Variants in AGTR1 observed in about 807,000 individuals in gnomAD.
AGTR1 encodes angiotensin II receptor type 1, also known as type-1 angiotensin II receptor.
In AGTR1, 16 loss-of-function variants were observed where a neutral mutation model predicts 19.4. The ratio of observed to expected loss-of-function variants is 0.82; its 90% CI spans 0.56 to 1.25. The LOEUF (loss-of-function observed/expected upper bound fraction) is 1.25, where lower values mean the gene tolerates loss of function less well. AGTR1 is among the 50% of genes most tolerant of loss of function. AGTR1 has a pLI of 0.00. For missense variants in AGTR1, 373 were observed against 431.9 expected (o/e 0.86, Z 1.21); for synonymous variants, 153 against 154.9 (o/e 0.99, Z 0.09).
intron 2 of AGTR1, among the ~76,000 whole-genome samples, chr3:148,739,488 G>C (rs1205117680): frequency 6.6e-6 from 1 of 152,158 alleles, no homozygotes; most frequent in Non-Finnish European, 1.5e-5. Context: ...ATGTCCTGGT[G>C]AGTCAAAGAA....
rs748117430 is a variant in AGTR1 at position 148,741,256 on chromosome 3, A to C, written c.221A>C (p.Asp74Ala). Residue 74 changes from aspartate to alanine, a missense_variant, in exon 3 of 3, where the codon GAC (aspartate) becomes GCC (alanine). Physicochemically the swap from Asp to Ala is moderately radical, Grantham distance 126. Coordinates refer to ENST00000349243, the MANE Select transcript of AGTR1 (RefSeq NM_000685.5). ...SVFLLNLALA[D>A]LCFLLTLPLW... ...TTTCTTTTGAATTTAGCACTGGCTG[A>C]CTTATGCTTTTTACTGACTTTGCCA... 18 of 1,613,890 alleles carry C rather than the reference A, an allele frequency of 1.1e-5. No homozygotes were observed. Among genetic ancestry groups the C allele is most frequent in the Non-Finnish European group, 1.4e-5 (17 of 1,180,004 alleles).
Position 148,711,104 on chromosome 3 carries a change from T to C in AGTR1, c.-48+3077T>C, listed in dbSNP as rs527789790. Among the ~76,000 whole-genome samples, 3 of 152,304 alleles carry C rather than the reference T, an allele frequency of 2.0e-5. No individual in the cohort carries two copies. In the East Asian group the frequency reaches 5.8e-4, roughly 29 times the overall value. ...GTATTCCTTTATAGCAACACAAGAATAGACCAACACAGTCACGGATAACAG... is the reference window on the plus strand; with the variant it reads ...GTATTCCTTTATAGCAACACAAGAACAGACCAACACAGTCACGGATAACAG... On this transcript the variant is annotated intron_variant, in intron 2 of 2. Transcript: ENST00000349243.
chr3:148,740,006 T>G, intron 2 of AGTR1: 1 of 1,218,628 alleles, frequency 8.2e-7, no homozygotes, highest in Non-Finnish European at 1.0e-6. Flanking sequence ...GACTTCCTGA[T>G]GGACTGTTAT....
At chr3:148,709,523 AAGTTTC>A (rs1402948369) in intron 2 of AGTR1, among the ~76,000 whole-genome samples, 1 of 152,182 alleles carries the variant, frequency 6.6e-6, no homozygotes, top group Non-Finnish European at 1.5e-5. Flanking sequence ...TCAAACCTTT[AAGTTTC>A]AGATGAATAA....
chr3:148,716,503 G>A lies in AGTR1; in HGVS notation c.-48+8476G>A, dbSNP rs1559925683. Reference sequence around the variant, plus strand: ...TAACTATACAGGAATTTATTTCCCAGTACCTTCTATATTACTAACATCCCA... The same window carrying A: ...TAACTATACAGGAATTTATTTCCCAATACCTTCTATATTACTAACATCCCA... On this transcript the variant is annotated intron_variant, in intron 2 of 2. Coordinates refer to ENST00000349243, the MANE Select transcript of AGTR1 (RefSeq NM_000685.5). This position sits in a 1 kb window ranked among gnomAD's most constrained non-coding sequence, Gnocchi z 4.7. Among the ~76,000 whole-genome samples, 1 of 151,988 alleles carries A rather than the reference G, an allele frequency of 6.6e-6. No homozygotes were observed. The highest frequency in any genetic ancestry group is 1.5e-5 in the Non-Finnish European group (1 of 68,004).
chr3:148,716,914 G>GA lies in AGTR1; in HGVS notation c.-48+8893dup, dbSNP rs1283477668. 6.6e-6 allele frequency among the ~76,000 whole-genome samples: 1 copy of GA among 151,956 alleles called. No homozygotes were observed. The highest frequency in any genetic ancestry group is 1.5e-5 in the Non-Finnish European group (1 of 67,960). On this transcript the variant is annotated intron_variant, in intron 2 of 2. Transcript: ENST00000349243. The surrounding 1 kb of genome is among the most constrained non-coding windows in gnomAD (Gnocchi z 4.7). ...CAGAGTTAAGCTGTCATTCAGATCA[G>GA]AAAAAATAAAAGAGAGAGATGAATT...
chr3:148,731,846 C>G (rs184458421), intron 2 of AGTR1, among the ~76,000 whole-genome samples: 2 of 152,242 alleles, frequency 1.3e-5, no homozygotes, highest in East Asian at 3.9e-4. Flanking sequence ...AAGTAAAGAA[C>G]TATAATGCAT....
intron 1 of AGTR1, among the ~76,000 whole-genome samples, chr3:148,705,027 C>A (rs759976182): frequency 6.6e-6 from 1 of 152,094 alleles, no homozygotes; most frequent in Non-Finnish European, 1.5e-5. Flanking sequence ...GAGAAATACC[C>A]AAAAGATATC....
At chr3:148,711,777 C>G (rs1712998321) in intron 2 of AGTR1, among the ~76,000 whole-genome samples, 1 of 152,124 alleles carries the variant, frequency 6.6e-6, no homozygotes. Context: ...GAGACAAAGT[C>G]TCACTTTGTC....
intron 2 of AGTR1, among the ~76,000 whole-genome samples, chr3:148,725,621 T>A (rs1713886534): frequency 1.3e-5 from 2 of 152,200 alleles, no homozygotes; most frequent in Admixed American, 1.3e-4. Context: ...TAGCTGGGAT[T>A]ACAGGCATCC....
chr3:148,734,671 A>G (rs1354404768), intron 2 of AGTR1, among the ~76,000 whole-genome samples: 2 of 152,198 alleles, frequency 1.3e-5, no homozygotes, highest in Non-Finnish European at 2.9e-5. Flanking sequence ...ATCATTTAAC[A>G]TGAAGTTAGT....
In AGTR1 at chr3:148,741,282, CT is replaced by C; in HGVS notation, c.248del (p.Leu83HisfsTer52). 2 of 1,613,278 alleles carry C rather than the reference CT, an allele frequency of 1.2e-6. No individual in the cohort carries two copies. Among genetic ancestry groups the C allele is most frequent in the Non-Finnish European group, 1.7e-6 (2 of 1,180,028 alleles). ...ADLCFLLTLP[L>X]WAVYTAMEYR... ...CTTATGCTTTTTACTGACTTTGCCA[CT>C]ATGGGCTGTCTACACAGCTATGGAA... On this transcript the variant is annotated frameshift_variant, in exon 3 of 3. Transcript: ENST00000349243. LOFTEE classifies it high-confidence loss of function.
rs1008041933 is a variant in AGTR1 at position 148,716,816 on chromosome 3, T to A, written c.-48+8789T>A. Among the ~76,000 whole-genome samples the A allele has an allele frequency of 1.3e-5, 2 of 152,222 alleles. No individual in the cohort carries two copies. Among genetic ancestry groups the A allele is most frequent in the Admixed American group, 6.5e-5 (1 of 15,278 alleles). On this transcript the variant is annotated intron_variant, in intron 2 of 2. Coordinates refer to ENST00000349243, the MANE Select transcript of AGTR1 (RefSeq NM_000685.5). This position sits in a 1 kb window ranked among gnomAD's most constrained non-coding sequence, Gnocchi z 4.7. ...GAATAGTTTCTTAACCTTAGTTTTT[T>A]AACTGCTCTGAAAATGGTTTCTGTC...
intron 2 of AGTR1, chr3:148,740,047 A>G: frequency 9.0e-7 from 1 of 1,109,700 alleles, no homozygotes; most frequent in Non-Finnish European, 1.1e-6. Flanking sequence ...TTTCTAAATC[A>G]CATAAATGAA....
chr3:148,699,522 A>T (rs571797414), intron 1 of AGTR1, among the ~76,000 whole-genome samples: 99 of 152,160 alleles, frequency 6.5e-4, no homozygotes, highest in Non-Finnish European at 1.1e-3. Flanking sequence ...CTGACAGTGC[A>T]GGGGCAGGAA....
intron 1 of AGTR1, among the ~76,000 whole-genome samples, chr3:148,700,018 A>T (rs765654259): frequency 7.2e-5 from 11 of 152,274 alleles, no homozygotes; most frequent in Middle Eastern, 3.4e-3. Flanking sequence ...TGCTGCGGCA[A>T]TGCTGCTGTC....
intron 1 of AGTR1, among the ~76,000 whole-genome samples, chr3:148,706,984 G>A (rs1210571601): frequency 6.6e-6 from 1 of 151,954 alleles, no homozygotes; most frequent in African/African-American, 2.4e-5. Context: ...GTACAAAAGT[G>A]CATATATGTA....
chr3:148,734,680 G>A (rs1445222503), intron 2 of AGTR1, among the ~76,000 whole-genome samples: 1 of 152,182 alleles, frequency 6.6e-6, no homozygotes, highest in African/African-American at 2.4e-5. Context: ...CATGAAGTTA[G>A]TCTAGGATTA....
At position 148,716,060 on chromosome 3, in the gene AGTR1, C is replaced by T. The variant is rs1253802260; in HGVS notation, c.-48+8033C>T. On this transcript the variant is annotated intron_variant, in intron 2 of 2. Transcript: ENST00000349243. The surrounding 1 kb of genome is among the most constrained non-coding windows in gnomAD (Gnocchi z 4.7). ...CCCCAAACCGTATCCTATGGAAATG[C>T]CTTTTTAGCAAATTAAACTGAATTG... Among the ~76,000 whole-genome samples the T allele has an allele frequency of 6.6e-6, 1 of 152,128 alleles. No individual in the cohort carries two copies. Among genetic ancestry groups the T allele is most frequent in the African/African-American group, 2.4e-5 (1 of 41,414 alleles).
Sources: allele counts gnomAD v4.1 joint callset (sites outside exome capture counted in the v4.1 genomes callset), GRCh38; gene constraint gnomAD v4.1.1; non-coding constraint Gnocchi (gnomAD v3.1); transcripts MANE v1.5; gene names NCBI Gene and HGNC (gene_info 2026-07-23, HGNC 2026-07-21).